The following ZNF343 variants were observed in gnomAD, a reference collection of about 807,000 sequenced individuals.
ZNF343 encodes zinc finger protein 343.
A neutral mutation model predicts 13.8 loss-of-function variants in ZNF343; 11 were observed. That is an observed-to-expected ratio of 0.80 (90% CI 0.50 to 1.32). The LOEUF (loss-of-function observed/expected upper bound fraction) is 1.32, where lower values mean the gene tolerates loss of function less well. Ranked by LOEUF, ZNF343 falls within the 40% of genes most tolerant of loss-of-function variation. The pLI is 0.00. For synonymous variants in ZNF343, 248 were observed against 260.0 expected (o/e 0.95, Z 0.44); for missense variants, 658 against 714.2 (o/e 0.92, Z 0.90).
chr20:2,499,886 T>C (rs1423958522), intron 2 of ZNF343, among the ~76,000 whole-genome samples: 5 of 152,168 alleles, frequency 3.3e-5, no homozygotes. Flanking sequence ...TGTGTACAGT[T>C]TGAACTAAGC....
Position 2,482,975 on chromosome 20 carries a change from A to G in ZNF343, c.*186T>C. On this transcript the variant is annotated 3_prime_UTR_variant, in exon 6 of 6. Transcript: ENST00000278772. ...TGATGGCTACAGTTGCCCGTACTCT[A>G]TACTCATAAGGCTCCTCTCCTGAAC... 1 of 686,010 alleles carries G rather than the reference A, an allele frequency of 1.5e-6. No homozygotes were observed. Among genetic ancestry groups the G allele is most frequent in the Non-Finnish European group, 2.4e-6 (1 of 416,562 alleles). The allele number at this position is 686,010 out of a possible 1,614,324, so 42.5% of individuals were successfully genotyped here.
At position 2,516,413 on chromosome 20, in the gene ZNF343, G is replaced by T. The variant is rs148373424; in HGVS notation, c.-347+8042C>A. 8.5e-3 allele frequency among the ~76,000 whole-genome samples: 1,292 copies of T among 152,248 alleles called. 6 individuals are homozygous for T. Among genetic ancestry groups the T allele is most frequent in the Non-Finnish European group, 0.014 (975 of 68,012 alleles). ...AGTCACTGTTAATGTCAGGCTGAGGGTGAGGGTTAGTGTTTGATTTAGGAT... is the reference window on the plus strand; with the variant it reads ...AGTCACTGTTAATGTCAGGCTGAGGTTGAGGGTTAGTGTTTGATTTAGGAT... On this transcript the variant is annotated intron_variant, in intron 1 of 6. Transcript: ENST00000358413.
chr20:2,483,069 G>T lies in ZNF343; in HGVS notation c.*92C>A. On this transcript the variant is annotated 3_prime_UTR_variant, in exon 6 of 6. Coordinates refer to ENST00000278772, the MANE Select transcript of ZNF343 (RefSeq NM_024325.6). ...TTCACTCACAATCTGTGTACACAGG[G>T]TCTACTCCCCATGTGTCTCTCTGGG... is the stretch of plus-strand genomic sequence containing the variant. 7.0e-7 allele frequency: 1 copy of T among 1,419,126 alleles called. No individual in the cohort carries two copies. The highest frequency in any genetic ancestry group is 1.4e-5 in the African/African-American group (1 of 69,838). 87.9% of individuals were successfully genotyped at this position (1,419,126 alleles called of 1,614,324 possible).
In ZNF343 at chr20:2,520,590, A is replaced by G. The variant is rs137858588; in HGVS notation, c.-347+3865T>C. 2.2e-4 allele frequency among the ~76,000 whole-genome samples: 34 copies of G among 152,328 alleles called. No individual in the cohort carries two copies. The East Asian group carries it at 6.2e-3, about 28-fold the overall frequency. On this transcript the variant is annotated intron_variant, in intron 1 of 6. Transcript: ENST00000358413. ...TGTCTGATTCTGAGCTTGTTCATTAATATACTGCTTATTTTATTTTATTTT... is the reference window on the plus strand; with the variant it reads ...TGTCTGATTCTGAGCTTGTTCATTAGTATACTGCTTATTTTATTTTATTTT...
chr20:2,502,662 A>T (rs982470203), intron 1 of ZNF343, among the ~76,000 whole-genome samples: 28 of 152,222 alleles, frequency 1.8e-4, no homozygotes, highest in African/African-American at 5.8e-4. Flanking sequence ...AATATTCAAC[A>T]TTCTTAAAGA....
chr20:2,519,378 C>T (rs1281797855), intron 1 of ZNF343, among the ~76,000 whole-genome samples: 2 of 152,188 alleles, frequency 1.3e-5, no homozygotes, highest in African/African-American at 2.4e-5. Context: ...TGAACCTGAC[C>T]TTCACACTCA....
chr20:2,523,425 C>T (rs1049852050), intron 1 of ZNF343, among the ~76,000 whole-genome samples: 4 of 152,134 alleles, frequency 2.6e-5, no homozygotes, highest in Middle Eastern at 6.8e-3. Flanking sequence ...CTTACCTTCA[C>T]TTTATGGACT....
Position 2,490,172 on chromosome 20 carries a change from G to A in ZNF343, c.304+2527C>T, listed in dbSNP as rs542560557. ...TGTGGTTGCAGGCAAGGAGAAAGAT[G>A]GGGATGAAGCACAGGTGAGACAGCG... is the stretch of plus-strand genomic sequence containing the variant. On this transcript the variant is annotated intron_variant, in intron 5 of 5. Coordinates refer to ENST00000278772, the MANE Select transcript of ZNF343 (RefSeq NM_024325.6). 1.7e-4 allele frequency among the ~76,000 whole-genome samples: 26 copies of A among 152,186 alleles called. 1 individual carries two copies. The highest frequency in any genetic ancestry group is 6.3e-4 in the African/African-American group (26 of 41,538).
upstream of ZNF343, among the ~76,000 whole-genome samples, chr20:2,512,818 G>A (rs2122751612): frequency 1.3e-5 from 2 of 151,802 alleles, no homozygotes; most frequent in Middle Eastern, 6.8e-3. Context: ...AGTCGCAGTG[G>A]CTCACCCCTG....
At chr20:2,487,525 C>T (rs2085299508) in intron 5 of ZNF343, among the ~76,000 whole-genome samples, 1 of 152,354 alleles carries the variant, frequency 6.6e-6, no homozygotes, top group South Asian at 2.1e-4. Flanking sequence ...TTCAGAGGAG[C>T]TCTTCCCCAT....
chr20:2,498,429 C>T (rs1304049700), intron 2 of ZNF343, among the ~76,000 whole-genome samples: 1 of 152,208 alleles, frequency 6.6e-6, no homozygotes, highest in African/African-American at 2.4e-5. Context: ...TCAAGGCATG[C>T]TTTGCAATGG....
chr20:2,484,945 C>T (rs1265684520), intron 5 of ZNF343, among the ~76,000 whole-genome samples: 1 of 152,110 alleles, frequency 6.6e-6, no homozygotes, highest in Non-Finnish European at 1.5e-5. Context: ...TAGACATTCA[C>T]ATTGGTATAT....
In ZNF343 at chr20:2,483,748, C is replaced by T. The variant is rs771878962; in HGVS notation, c.1213G>A (p.Gly405Arg). 5.0e-6 allele frequency: 8 copies of T among 1,613,858 alleles called. No homozygotes were observed. Among genetic ancestry groups the T allele is most frequent in the South Asian group, 1.1e-5 (1 of 91,064 alleles). The change falls in exon 6 of 6, where the codon GGG (glycine) becomes AGG (arginine). Residue 405 changes from glycine (G) to arginine (R), a missense_variant. Coordinates refer to ENST00000278772, the MANE Select transcript of ZNF343 (RefSeq NM_024325.6). Reference sequence around the variant, plus strand: ...TCCCTGCAAACATAAGGCTTCTCCCCTGAGTGTATCCTCTGGTGTTTTCTG... The same window carrying T: ...TCCCTGCAAACATAAGGCTTCTCCCTTGAGTGTATCCTCTGGTGTTTTCTG... ...TLRKHQRIHS[G>R]EKPYVCRECG...
chr20:2,493,782 C>G lies in ZNF343; in HGVS notation c.114G>C (p.Ala38=), dbSNP rs751338954. The change falls in exon 3 of 6, where the codon GCG becomes GCC. Residue 38 remains alanine, a synonymous_variant. Transcript: ENST00000278772. ...TMKKLTQNHK[A]KGLPSNDTDC... The stretch of plus-strand genomic sequence containing the variant: ...GGCTCCCTCAACAATTCTCACCTTT[C>G]GCTTTATGATTTTGGGTCAATTTCT... 1.2e-6 allele frequency: 2 copies of G among 1,611,576 alleles called. No homozygotes were observed. Among genetic ancestry groups the G allele is most frequent in the South Asian group, 1.1e-5 (1 of 91,024 alleles).
At chr20:2,496,176 A>G (rs6114564) in intron 2 of ZNF343, among the ~76,000 whole-genome samples, 6,374 of 152,322 alleles carry the variant, frequency 0.042, 383 homozygotes, top group African/African-American at 0.13. Flanking sequence ...GCAGAGACTG[A>G]AGGAGTTGCA....
chr20:2,502,788 G>A (rs1475813270), intron 1 of ZNF343, among the ~76,000 whole-genome samples: 1 of 152,172 alleles, frequency 6.6e-6, no homozygotes, highest in Non-Finnish European at 1.5e-5. Flanking sequence ...CACCAGGCCT[G>A]CCCTAAAAGA....
intron 1 of ZNF343, among the ~76,000 whole-genome samples, chr20:2,501,798 A>G (rs1430799741): frequency 6.6e-6 from 1 of 152,242 alleles, no homozygotes; most frequent in African/African-American, 2.4e-5. Context: ...CATCCACACC[A>G]AAACCCCATC....
intron 1 of ZNF343, among the ~76,000 whole-genome samples, chr20:2,502,249 G>C (rs1329147885): frequency 2.0e-5 from 3 of 152,182 alleles, no homozygotes. Flanking sequence ...GAAGCAAGAA[G>C]AGAAGTTAGA....
chr20:2,492,960 AAGTTC>A, intron 4 of ZNF343, 135 bp from the exon 5 acceptor site: 1 of 1,287,082 alleles, frequency 7.8e-7, no homozygotes, highest in Non-Finnish European at 1.1e-6. Context: ...TCTCCATATG[AAGTTC>A]TTCTGAGCAC....
Sources: allele counts gnomAD v4.1 joint callset (sites outside exome capture counted in the v4.1 genomes callset), GRCh38; gene constraint gnomAD v4.1.1; transcripts MANE v1.5; gene names NCBI Gene and HGNC (gene_info 2026-07-23, HGNC 2026-07-21).